SLIT2: variants seen among roughly 807,000 people sequenced by gnomAD.
The protein encoded by SLIT2 is slit homolog 2 protein.
In SLIT2, 41 loss-of-function variants were observed where a neutral mutation model predicts 185.7. The ratio of observed to expected loss-of-function variants is 0.22; its 90% CI spans 0.17 to 0.29. The LOEUF (loss-of-function observed/expected upper bound fraction) is 0.29, where lower values mean the gene tolerates loss of function less well. Ranked by LOEUF, SLIT2 falls within the 10% of genes least tolerant of loss-of-function variation. The pLI is 1.00. For synonymous variants in SLIT2, 693 were observed against 680.2 expected (o/e 1.02, Z -0.29); for missense variants, 1,571 against 1,909.0 (o/e 0.82, Z 3.30).
At chr4:20,581,387 A>G (rs967524246) in intron 29 of SLIT2, among the ~76,000 whole-genome samples, 5 of 152,114 alleles carry the variant, frequency 3.3e-5, no homozygotes, top group Non-Finnish European at 7.4e-5. Context: ...GTACTAGAGG[A>G]CTCACACATA....
chr4:20,477,763 A>G (rs1716272295), intron 5 of SLIT2, among the ~76,000 whole-genome samples: 1 of 152,228 alleles, frequency 6.6e-6, no homozygotes. Context: ...GCAAATTTAC[A>G]CTATGTCTTA....
intron 9 of SLIT2, among the ~76,000 whole-genome samples, chr4:20,501,645 T>C (rs1428568895): frequency 6.6e-6 from 1 of 152,340 alleles, no homozygotes; most frequent in East Asian, 1.9e-4. Flanking sequence ...ATAGCAACTT[T>C]GATAGCTCCA....
In SLIT2 at chr4:20,484,899, T is replaced by G. The variant is rs1352911665; in HGVS notation, c.540-1301T>G. Reference sequence around the variant, plus strand: ...TTCTTCACATTCCCCAAATGTCTGCTTTCTTCCATCTCTCTTGCCCATCAT... The same window carrying G: ...TTCTTCACATTCCCCAAATGTCTGCGTTCTTCCATCTCTCTTGCCCATCAT... On this transcript the variant is annotated intron_variant, in intron 6 of 36. Transcript: ENST00000504154. The surrounding 1 kb of genome is among the most constrained non-coding windows in gnomAD (Gnocchi z 4.3). 6.6e-6 allele frequency among the ~76,000 whole-genome samples: 1 copy of G among 152,120 alleles called. No homozygotes were observed. The highest frequency in any genetic ancestry group is 2.4e-5 in the African/African-American group (1 of 41,440).
At chr4:20,617,722 G>T in intron 36 of SLIT2, 72 bp downstream of exon 36, 7 of 902,596 alleles carry the variant, frequency 7.8e-6, no homozygotes, top group Admixed American at 3.1e-5. Flanking sequence ...GAAAAGAGAG[G>T]GAGAAAAAGT....
chr4:20,608,589 C>T (rs1274368614), intron 33 of SLIT2, among the ~76,000 whole-genome samples: 1 of 152,086 alleles, frequency 6.6e-6, no homozygotes, highest in Non-Finnish European at 1.5e-5. Context: ...TTCCTGTACA[C>T]GTGGACTCTT....
At chr4:20,570,360 T>A (rs547958542) in intron 29 of SLIT2, among the ~76,000 whole-genome samples, 3 of 152,078 alleles carry the variant, frequency 2.0e-5, no homozygotes, top group Non-Finnish European at 4.4e-5. Context: ...CTAGAGTATC[T>A]GGAAAGAATG....
chr4:20,472,573 G>GATATATCTATATCTATATATAGAT lies in SLIT2; in HGVS notation c.467+4762_467+4763insCTATATATAGATATATATCTATAT, dbSNP rs1715585379. Among the ~76,000 whole-genome samples, 2 of 14,236 alleles carry GATATATCTATATCTATATATAGAT rather than the reference G, an allele frequency of 1.4e-4. 1 individual carries two copies. Among genetic ancestry groups the GATATATCTATATCTATATATAGAT allele is most frequent in the Admixed American group, 2.7e-3 (2 of 740 alleles). The allele number at this position is 14,236 out of a possible 152,430, so 9.3% of individuals were successfully genotyped here. On this transcript the variant is annotated intron_variant, in intron 5 of 36. Coordinates refer to ENST00000504154, the MANE Select transcript of SLIT2 (RefSeq NM_004787.4). ...ATATATAGATATATATCTATATATA[G>GATATATCTATATCTATATATAGAT]ATATATCTATATATAGATATATATC... is the stretch of plus-strand genomic sequence containing the variant.
intron 4 of SLIT2, among the ~76,000 whole-genome samples, chr4:20,346,250 G>T (rs896116610): frequency 1.3e-5 from 2 of 152,034 alleles, no homozygotes; most frequent in African/African-American, 4.8e-5. Flanking sequence ...CCTGCCTCGT[G>T]CTCCCAAAGT....
chr4:20,292,351 G>T (rs1428533980), intron 4 of SLIT2, among the ~76,000 whole-genome samples: 1 of 152,160 alleles, frequency 6.6e-6, no homozygotes, highest in Non-Finnish European at 1.5e-5. Flanking sequence ...CTGAGCTTCA[G>T]TATTTTCTTT....
At chr4:20,474,928 T>C (rs1238114944) in intron 5 of SLIT2, among the ~76,000 whole-genome samples, 2 of 151,912 alleles carry the variant, frequency 1.3e-5, no homozygotes, top group African/African-American at 4.8e-5. Flanking sequence ...TGTTGCCAGT[T>C]CTATAGTGTC....
At chr4:20,508,510 A>C (rs1007381176) in intron 9 of SLIT2, among the ~76,000 whole-genome samples, 2 of 152,132 alleles carry the variant, frequency 1.3e-5, no homozygotes, top group Admixed American at 6.6e-5. Context: ...ATGATATAGC[A>C]ATACATGTAT....
chr4:20,259,283 A>T (rs987208379), intron 3 of SLIT2, among the ~76,000 whole-genome samples: 1 of 151,754 alleles, frequency 6.6e-6, no homozygotes, highest in South Asian at 2.1e-4. Flanking sequence ...AGACTATGTG[A>T]TTAGCTAATT....
In SLIT2 at chr4:20,274,083, C is replaced by T. The variant is rs115172672; in HGVS notation, c.395+5202C>T. On this transcript the variant is annotated intron_variant, in intron 4 of 36. Coordinates refer to ENST00000504154, the MANE Select transcript of SLIT2 (RefSeq NM_004787.4). ...CATGTGCTAAGGGTGAAAGTTCCGT[C>T]GAAGGTGGCGTCTGTGTTCTAATTT... is the stretch of plus-strand genomic sequence containing the variant. Among the ~76,000 whole-genome samples the T allele has an allele frequency of 4.2e-3, 640 of 152,180 alleles. 5 individuals are homozygous for T. The highest frequency in any genetic ancestry group is 0.014 in the African/African-American group (599 of 41,526).
chr4:20,350,195 A>G (rs1464556865), intron 4 of SLIT2, among the ~76,000 whole-genome samples: 2 of 152,134 alleles, frequency 1.3e-5, no homozygotes, highest in East Asian at 3.9e-4. Context: ...TCAATTAATA[A>G]GCACTGAGCA....
chr4:20,281,129 A>G (rs909822005), intron 4 of SLIT2, among the ~76,000 whole-genome samples: 2 of 152,166 alleles, frequency 1.3e-5, no homozygotes, highest in African/African-American at 4.8e-5. Flanking sequence ...CACTGCACCC[A>G]GCTGGTTAAA....
chr4:20,295,943 G>A (rs1405831007), intron 4 of SLIT2, among the ~76,000 whole-genome samples: 2 of 152,184 alleles, frequency 1.3e-5, no homozygotes, highest in African/African-American at 4.8e-5. Context: ...CTCTAAAGGA[G>A]ATATTTGCAC....
chr4:20,534,385 T>C (rs1722084949), intron 18 of SLIT2, among the ~76,000 whole-genome samples: 1 of 152,180 alleles, frequency 6.6e-6, no homozygotes, highest in Admixed American at 6.5e-5. Flanking sequence ...AAAAATTATA[T>C]ATGTTTCCAA....
chr4:20,329,367 A>C (rs1719876654), intron 4 of SLIT2, among the ~76,000 whole-genome samples: 1 of 151,974 alleles, frequency 6.6e-6, no homozygotes, highest in South Asian at 2.1e-4. Flanking sequence ...AAAATATATG[A>C]TTTATAATCA....
chr4:20,438,216 A>G (rs558730239), intron 4 of SLIT2, among the ~76,000 whole-genome samples: 1 of 152,206 alleles, frequency 6.6e-6, no homozygotes, highest in Non-Finnish European at 1.5e-5. Flanking sequence ...CACTCTGCTC[A>G]TAACTTTGCA....
Sources: allele counts gnomAD v4.1 joint callset (sites outside exome capture counted in the v4.1 genomes callset), GRCh38; gene constraint gnomAD v4.1.1; non-coding constraint Gnocchi (gnomAD v3.1); transcripts MANE v1.5; gene names NCBI Gene and HGNC (gene_info 2026-07-23, HGNC 2026-07-21).